Variants in CRISPLD2 observed in about 807,000 individuals in gnomAD.
The protein encoded by CRISPLD2 is cysteine-rich secretory protein LCCL domain-containing 2.
CRISPLD2 carries 47 observed loss-of-function variants against 71.1 expected under a neutral mutation model. The ratio of observed to expected loss-of-function variants is 0.66; its 90% CI spans 0.52 to 0.84. The LOEUF is 0.84. Ranked by LOEUF, CRISPLD2 falls within the 40% of genes least tolerant of loss-of-function variation. The probability of loss-of-function intolerance (pLI) is 0.00; values close to 1 mark genes in which losing one functional copy is unlikely to be tolerated. For missense variants in CRISPLD2, 830 were observed against 651.1 expected, an observed-to-expected ratio of 1.27 and a Z score of -2.99; for synonymous variants, 317 against 250.1, an observed-to-expected ratio of 1.27 and a Z score of -2.52.
intron 11 of CRISPLD2, 118 bp downstream of exon 11, chr16:84,874,081 C>G (rs570194457): frequency 1.2e-5 from 11 of 894,568 alleles, no homozygotes; most frequent in Admixed American, 2.5e-5. Context: ...CATTATGGTT[C>G]TCATCATTGT....
intron 13 of CRISPLD2, among the ~76,000 whole-genome samples, chr16:84,888,842 G>A (rs539011715): frequency 1.3e-5 from 2 of 152,118 alleles, no homozygotes; most frequent in Non-Finnish European, 2.9e-5. Flanking sequence ...AGTAGCCCCC[G>A]CCACCCAGGC....
intron 6 of CRISPLD2, 129 bp downstream of exon 6, chr16:84,854,958 G>GCACATT: frequency 1.4e-6 from 1 of 722,524 alleles, no homozygotes; most frequent in South Asian, 1.6e-5. Context: ...GACGCTCTCA[G>GCACATT]CACATTCCTC....
intron 3 of CRISPLD2, among the ~76,000 whole-genome samples, chr16:84,848,598 G>T (rs564597985): frequency 6.6e-6 from 1 of 152,038 alleles, no homozygotes; most frequent in Non-Finnish European, 1.5e-5. Context: ...GCACCACCTC[G>T]CCCGGCTAAT....
intron 6 of CRISPLD2, among the ~76,000 whole-genome samples, chr16:84,863,444 C>G (rs764309037): frequency 3.9e-5 from 6 of 152,180 alleles, no homozygotes; most frequent in Admixed American, 3.9e-4. Flanking sequence ...TGACCTCTAA[C>G]GGAGATGGAG....
At chr16:84,825,203 C>T (rs1916321797) in intron 1 of CRISPLD2, among the ~76,000 whole-genome samples, 2 of 151,784 alleles carry the variant, frequency 1.3e-5, no homozygotes, top group Admixed American at 1.3e-4. Flanking sequence ...TTGGGAAATG[C>T]TGGATCAAGG....
intron 12 of CRISPLD2, among the ~76,000 whole-genome samples, chr16:84,878,714 C>T (rs531284399): frequency 0.028 from 4,225 of 152,270 alleles, 214 homozygotes; most frequent in African/African-American, 0.096. Flanking sequence ...AACACAGGAA[C>T]ATCCTCTTAT....
intron 1 of CRISPLD2, among the ~76,000 whole-genome samples, chr16:84,821,043 A>C (rs1266571519): frequency 6.6e-6 from 1 of 152,188 alleles, no homozygotes; most frequent in Admixed American, 6.5e-5. Context: ...TCTCAGCCAA[A>C]ATGTGAGTTG....
rs1044949815 is a variant in CRISPLD2, at chr16:84,906,518, C to T, written c.1440-70C>T. 6 of 1,550,210 alleles carry T rather than the reference C, an allele frequency of 3.9e-6. No homozygotes were observed. The African/African-American group carries it at 4.1e-5, about 11-fold the overall frequency. ...AGCAGGAGGCACCCAGGTCTCCCTG[C>T]CCACCCAGAGTCCCTGCAGGAGGCC... is the stretch of plus-strand genomic sequence containing the variant. On this transcript the variant is annotated intron_variant, in intron 14 of 14. Transcript: ENST00000262424.
chr16:84,893,214 C>A (rs2968146), intron 14 of CRISPLD2, among the ~76,000 whole-genome samples: 1 of 151,650 alleles, frequency 6.6e-6, no homozygotes. Flanking sequence ...CTTGGCAGCT[C>A]CTCTCTCTAA....
chr16:84,851,033 T>C (rs1295926810), intron 5 of CRISPLD2, among the ~76,000 whole-genome samples: 1 of 152,136 alleles, frequency 6.6e-6, no homozygotes, highest in African/African-American at 2.4e-5. Context: ...ATTAGACCAA[T>C]CATAGATGAG....
At chr16:84,898,865 C>T (rs2143378132) in intron 14 of CRISPLD2, among the ~76,000 whole-genome samples, 1 of 152,224 alleles carries the variant, frequency 6.6e-6, no homozygotes, top group Non-Finnish European at 1.5e-5. Context: ...TGCACTCCAG[C>T]CTGGGCAACA....
intron 6 of CRISPLD2, among the ~76,000 whole-genome samples, chr16:84,861,119 A>G (rs1247000899): frequency 1.3e-5 from 2 of 152,176 alleles, no homozygotes; most frequent in African/African-American, 2.4e-5. Flanking sequence ...CTCTCCAAAT[A>G]GCTCATGCCA....
At chr16:84,899,316 C>G (rs2071732950) in intron 14 of CRISPLD2, among the ~76,000 whole-genome samples, 1 of 152,172 alleles carries the variant, frequency 6.6e-6, no homozygotes, top group Admixed American at 6.5e-5. Flanking sequence ...AATTTATACT[C>G]CTTCAGGCAT....
chr16:84,898,478 T>C (rs999850238), intron 14 of CRISPLD2, among the ~76,000 whole-genome samples: 1 of 152,162 alleles, frequency 6.6e-6, no homozygotes, highest in Non-Finnish European at 1.5e-5. Flanking sequence ...AGCTGCTGTC[T>C]GGTACCCTCT....
intron 2 of CRISPLD2, chr16:84,842,168 G>A (rs891243525): frequency 6.6e-6 from 1 of 152,320 alleles, no homozygotes; most frequent in Non-Finnish European, 1.5e-5. Flanking sequence ...CCCTGCCCGG[G>A]GGCTGTTTCT....
At chr16:84,821,806 C>G (rs1916237493) in intron 1 of CRISPLD2, among the ~76,000 whole-genome samples, 1 of 152,200 alleles carries the variant, frequency 6.6e-6, no homozygotes, top group South Asian at 2.1e-4. Context: ...CTGACATTTA[C>G]ATGATGCTTA....
At chr16:84,876,721 G>A (rs976130660) in intron 11 of CRISPLD2, among the ~76,000 whole-genome samples, 1 of 152,076 alleles carries the variant, frequency 6.6e-6, no homozygotes, top group African/African-American at 2.4e-5. Context: ...TGAACTCAGG[G>A]GTGGAGGTTG....
At chr16:84,857,448 C>T (rs1917272206) in intron 6 of CRISPLD2, among the ~76,000 whole-genome samples, 1 of 152,234 alleles carries the variant, frequency 6.6e-6, no homozygotes, top group South Asian at 2.1e-4. Flanking sequence ...TCGCCAATTT[C>T]CCAGTCATGC....
chr16:84,854,206 C>A (rs903741851), intron 5 of CRISPLD2, among the ~76,000 whole-genome samples: 1 of 152,230 alleles, frequency 6.6e-6, no homozygotes. Flanking sequence ...GTTTCCTCCT[C>A]TGCAAAAATA....
Sources: gnomAD v4.1 joint callset for allele counts (sites outside exome capture counted in the v4.1 genomes callset) on GRCh38, gnomAD v4.1.1 for gene constraint, MANE v1.5 for transcripts, NCBI Gene and HGNC (gene_info 2026-07-23, HGNC 2026-07-21) for gene names.